PLA2G4F: variants seen among roughly 807,000 people sequenced by gnomAD.
The protein encoded by PLA2G4F is phospholipase A2 group IVF, also known as cytosolic phospholipase A2 zeta.
In PLA2G4F, 105 loss-of-function variants were observed where a neutral mutation model predicts 103.1. The ratio of observed to expected loss-of-function variants is 1.02; its 90% CI spans 0.87 to 1.20. The LOEUF is 1.20. Among genes scored for constraint, PLA2G4F ranks in the 50% most tolerant of loss-of-function variants. PLA2G4F has a pLI of 0.00. For synonymous variants in PLA2G4F, 468 were observed against 441.1 expected, an observed-to-expected ratio of 1.06 and a Z score of -0.76; for missense variants, 1,155 against 1,075.9, an observed-to-expected ratio of 1.07 and a Z score of -1.03.
At position 42,145,460 on chromosome 15, in the gene PLA2G4F, C is replaced by T. The variant is rs528044953; in HGVS notation, c.1780+115G>A. The T allele has an allele frequency of 4.0e-5, 44 of 1,089,176 alleles. No homozygotes were observed. In the East Asian group the frequency reaches 8.8e-4, roughly 22 times the overall value. The allele number at this position is 1,089,176 out of a possible 1,614,324, so 67.5% of individuals were successfully genotyped here. ...AGAAGTCATTTCCTCAGGACTTCCCCGAATCCAGTGGGACAGCCAAGTCCT... is the reference window on the plus strand; with the variant it reads ...AGAAGTCATTTCCTCAGGACTTCCCTGAATCCAGTGGGACAGCCAAGTCCT... On this transcript the variant is annotated intron_variant, in intron 16 of 19. Coordinates refer to ENST00000397272, the MANE Select transcript of PLA2G4F (RefSeq NM_213600.4).
Position 42,152,694 on chromosome 15 carries a change from C to T in PLA2G4F, c.595G>A (p.Glu199Lys), listed in dbSNP as rs959560587. The T allele has an allele frequency of 6.4e-7, 1 of 1,555,988 alleles. No homozygotes were observed. Among genetic ancestry groups the T allele is most frequent in the Non-Finnish European group, 8.7e-7 (1 of 1,149,078 alleles). Residue 199 changes from glutamate to lysine, a missense_variant, in exon 7 of 20, where the codon GAG becomes AAG. This residue lies in a region of PLA2G4F where 370 missense variants were observed against 364.9 expected (regional missense o/e 1.01). Transcript: ENST00000397272. ...LRGDGTAPRE[E>K]YGSRQLQLAV... ...GGCCGCTGAGCAGACTCACCGTACT[C>T]TTCCCGTGGGGCTGTCCCATCTCCC...
intron 12 of PLA2G4F, 135 bp downstream of exon 12, chr15:42,147,491 C>G (rs1566879476): frequency 7.3e-7 from 1 of 1,376,468 alleles, no homozygotes. Flanking sequence ...GCTTGGGACT[C>G]AGCCTCTTCC....
chr15:42,156,405 G>C, intron 1 of PLA2G4F, 34 bp downstream of exon 1: 1 of 1,530,542 alleles, frequency 6.5e-7, no homozygotes, highest in Non-Finnish European at 8.9e-7. Flanking sequence ...GACTCCCCCA[G>C]TCCGGGTTTC....
rs986185411 is a variant in PLA2G4F, at chr15:42,139,060, G to C, written c.*2924C>G. On this transcript the variant is annotated 3_prime_UTR_variant, in exon 20 of 20. Transcript: ENST00000397272. ...GCAGTGTAAGAGCAGCTAGGGGACT[G>C]CCCAGCTCAAGTGGCCAAAGTGCAG... is the stretch of plus-strand genomic sequence containing the variant. 4 of 152,244 alleles carry C rather than the reference G, an allele frequency of 2.6e-5. No homozygotes were observed. The highest frequency in any genetic ancestry group is 9.6e-5 in the African/African-American group (4 of 41,460). The allele number at this position is 152,244 out of a possible 1,614,324, so 9.4% of individuals were successfully genotyped here. A position where few individuals can be genotyped will look rare whatever the true frequency, so the allele number is the denominator to read the frequency against.
At chr15:42,148,810 TTC>T in intron 11 of PLA2G4F, 1 of 985,438 alleles carries the variant, frequency 1.0e-6, no homozygotes, top group East Asian at 1.1e-4. Flanking sequence ...CTTTTCCCTG[TTC>T]TCTTTTCGTC....
chr15:42,150,593 T>C lies in PLA2G4F; in HGVS notation c.771+15A>G, dbSNP rs1183705696. 2.5e-6 allele frequency: 4 copies of C among 1,598,694 alleles called. No homozygotes were observed. Among genetic ancestry groups the C allele is most frequent in the Non-Finnish European group, 3.4e-6 (4 of 1,171,880 alleles). ...GCTGAGTTGGATCTACCGACCATCC[T>C]GGCGGCGCACTCACCTGCACAGCTG... On this transcript the variant is annotated intron_variant, in intron 8 of 19. Coordinates refer to ENST00000397272, the MANE Select transcript of PLA2G4F (RefSeq NM_213600.4).
intron 1 of PLA2G4F, 28 bp downstream of exon 1, chr15:42,156,411 G>A (rs926327868): frequency 6.5e-7 from 1 of 1,539,502 alleles, no homozygotes; most frequent in Non-Finnish European, 8.8e-7. Flanking sequence ...CCCAGTCCGG[G>A]TTTCCCAGGT....
In PLA2G4F at chr15:42,141,276, C is replaced by T. The variant is rs1217763670; in HGVS notation, c.*708G>A. The T allele has an allele frequency of 2.2e-5, 10 of 456,588 alleles. No homozygotes were observed. The highest frequency in any genetic ancestry group is 3.2e-4 in the Middle Eastern group (1 of 3,098). 28.3% of individuals were successfully genotyped at this position (456,588 alleles called of 1,614,324 possible). Reference sequence around the variant, plus strand: ...ATCACCAGAGACTGTGGTCCAGGTTCGAAGAGTGAAGCCTGGGTAACTGGC... The same window carrying T: ...ATCACCAGAGACTGTGGTCCAGGTTTGAAGAGTGAAGCCTGGGTAACTGGC... On this transcript the variant is annotated 3_prime_UTR_variant, in exon 20 of 20. Transcript: ENST00000397272.
At position 42,154,226 on chromosome 15, in the gene PLA2G4F, G is replaced by C; in HGVS notation, c.322-6C>G. Reference sequence around the variant, plus strand: ...AGGGTGAGCTCCAGGACGTTCTGGGGACAAGGCAGGCAGGAGGTCCGAGCA... The same window carrying C: ...AGGGTGAGCTCCAGGACGTTCTGGGCACAAGGCAGGCAGGAGGTCCGAGCA... On this transcript the variant is annotated splice_polypyrimidine_tract_variant and splice_region_variant and intron_variant, in intron 3 of 19. Coordinates refer to ENST00000397272, the MANE Select transcript of PLA2G4F (RefSeq NM_213600.4). 2 of 1,614,186 alleles carry C rather than the reference G, an allele frequency of 1.2e-6. No homozygotes were observed. The highest frequency in any genetic ancestry group is 1.7e-6 in the Non-Finnish European group (2 of 1,180,032).
chr15:42,155,296 G>A (rs534919969), intron 2 of PLA2G4F, among the ~76,000 whole-genome samples: 4 of 151,460 alleles, frequency 2.6e-5, no homozygotes, highest in South Asian at 2.1e-4. Context: ...ACATATACAC[G>A]CACTCACACA....
At position 42,142,135 on chromosome 15, in the gene PLA2G4F, T is replaced by C. The variant is rs1476501496; in HGVS notation, c.2399A>G (p.Tyr800Cys). Residue 800 changes from tyrosine to cysteine, a missense_variant, in exon 20 of 20, where the codon TAT becomes TGT. Coordinates refer to ENST00000397272, the MANE Select transcript of PLA2G4F (RefSeq NM_213600.4). ...DFVINRPDTP[Y>C]GMMNFTYEPQ... ...CTCATAGGTGAAGTTCATCATGCCA[T>C]AGGGGGTGTCTGGCCTGTTGATGAC... 3 of 1,614,058 alleles carry C rather than the reference T, an allele frequency of 1.9e-6. No homozygotes were observed. Among genetic ancestry groups the C allele is most frequent in the East Asian group, 4.5e-5 (2 of 44,894 alleles).
At chr15:42,143,271 C>G (rs2048844412) in intron 18 of PLA2G4F, among the ~76,000 whole-genome samples, 2 of 151,284 alleles carry the variant, frequency 1.3e-5, no homozygotes, top group Admixed American at 6.6e-5. Flanking sequence ...CAATCATCCA[C>G]TGCCTCAACA....
At chr15:42,152,498 C>T (rs1357150596) in intron 7 of PLA2G4F, among the ~76,000 whole-genome samples, 190 bp downstream of exon 7, 1 of 152,222 alleles carries the variant, frequency 6.6e-6, no homozygotes, top group Non-Finnish European at 1.5e-5. Context: ...TGGGCGGATA[C>T]AACCTCTTTG....
chr15:42,152,397 C>G (rs138643046), intron 7 of PLA2G4F, among the ~76,000 whole-genome samples: 1 of 152,332 alleles, frequency 6.6e-6, no homozygotes, highest in African/African-American at 2.4e-5. Context: ...CCCCGCCAAG[C>G]CCAGCCCAGC....
intron 16 of PLA2G4F, 47 bp downstream of exon 16, chr15:42,145,528 T>G: frequency 6.4e-7 from 1 of 1,552,264 alleles, no homozygotes; most frequent in Non-Finnish European, 8.9e-7. Context: ...GCCAGGGCCC[T>G]GTTGCTGGAA....
Position 42,152,646 on chromosome 15 carries a change from G to C in PLA2G4F, c.601+42C>G, listed in dbSNP as rs143654794. The C allele has an allele frequency of 1.2e-5, 19 of 1,547,662 alleles. No homozygotes were observed. In the South Asian group the frequency reaches 1.9e-4, roughly 16 times the overall value. ...CCTTGACATCAGTAGTTCCAACCCCGGGAGAGAAGGCAAAAGACCCAAGGC... is the reference window on the plus strand; with the variant it reads ...CCTTGACATCAGTAGTTCCAACCCCCGGAGAGAAGGCAAAAGACCCAAGGC... On this transcript the variant is annotated intron_variant, in intron 7 of 19. Coordinates refer to ENST00000397272, the MANE Select transcript of PLA2G4F (RefSeq NM_213600.4).
chr15:42,144,765 C>T, intron 16 of PLA2G4F, 121 bp from the exon 17 acceptor site: 1 of 1,009,586 alleles, frequency 9.9e-7, no homozygotes, highest in Non-Finnish European at 1.4e-6. Flanking sequence ...CTCCTCCTCC[C>T]TGACCCCACC....
Position 42,142,200 on chromosome 15 carries a change from C to G in PLA2G4F, c.2334G>C (p.Val778=), listed in dbSNP as rs138213395. The change falls in exon 20 of 20, where the codon GTG becomes GTC. Residue 778 remains valine, a synonymous_variant. Coordinates refer to ENST00000397272, the MANE Select transcript of PLA2G4F (RefSeq NM_213600.4). ...CCTTCTCCTCAGCTGTTTGTCGCTC[C>G]ACACCTGTGGGTGGGGGAAGCAGAG... ...RTFRTHLAPG[V]ERQTAEEKAF... 5,669 of 1,610,208 alleles carry G rather than the reference C, an allele frequency of 3.5e-3. 20 individuals carry two copies. The highest frequency in any genetic ancestry group is 0.011 in the Middle Eastern group (66 of 6,034).
chr15:42,154,634 C>A, intron 2 of PLA2G4F, 176 bp from the exon 3 acceptor site: 1 of 608,240 alleles, frequency 1.6e-6, no homozygotes, highest in Non-Finnish European at 2.6e-6. Flanking sequence ...CATCTTGATT[C>A]CACACACCTC....
Sources: gnomAD v4.1 joint callset for allele counts (sites outside exome capture counted in the v4.1 genomes callset) on GRCh38, gnomAD v4.1.1 for gene constraint, gnomAD v4.1.1 regional missense constraint, MANE v1.5 for transcripts, NCBI Gene and HGNC (gene_info 2026-07-23, HGNC 2026-07-21) for gene names.